TMEM163: variants seen among roughly 807,000 people sequenced by gnomAD.
The protein encoded by TMEM163 is transmembrane protein 163.
A neutral mutation model predicts 29.3 loss-of-function variants in TMEM163; 17 were observed. That is an observed-to-expected ratio of 0.58 (90% CI 0.40 to 0.87). TMEM163 has a LOEUF of 0.87. Among genes scored for constraint, TMEM163 ranks in the 40% least tolerant of loss-of-function variants. The pLI is 0.00. For missense variants in TMEM163, 303 were observed against 381.5 expected, an observed-to-expected ratio of 0.79 and a Z score of 1.71; for synonymous variants, 157 against 160.6, an observed-to-expected ratio of 0.98 and a Z score of 0.17.
chr2:134,665,151 TA>T (rs1350482099), intron 2 of TMEM163, among the ~76,000 whole-genome samples: 1 of 152,172 alleles, frequency 6.6e-6, no homozygotes, highest in Non-Finnish European at 1.5e-5. Context: ...CTTTGCAAAC[TA>T]CTGCAAGACA....
chr2:134,457,318 C>T (rs1223231349), intron 7 of TMEM163, among the ~76,000 whole-genome samples: 1 of 152,196 alleles, frequency 6.6e-6, no homozygotes, highest in Non-Finnish European at 1.5e-5. Context: ...ACTGGAAGTG[C>T]TGGGGCGAAT....
intron 5 of TMEM163, chr2:134,469,207 GGGGCTGTGC>G (rs1686737800): frequency 6.6e-6 from 1 of 152,104 alleles, no homozygotes; most frequent in Admixed American, 6.5e-5. Flanking sequence ...GGCCTATCCA[GGGGCTGTGC>G]GGGAAGTTTC....
At position 134,456,148 on chromosome 2, in the gene TMEM163, T is replaced by C. The variant is rs1404541040; in HGVS notation, c.*568A>G. The C allele has an allele frequency of 6.5e-6, 1 of 153,288 alleles. No individual in the cohort carries two copies. Among genetic ancestry groups the C allele is most frequent in the Admixed American group, 6.5e-5 (1 of 15,396 alleles). The allele number at this position is 153,288 out of a possible 1,614,324, so 9.5% of individuals were successfully genotyped here. ...CTTATACGTGTATCACTAAGTACTT[T>C]AAAAAATAGAATGGTCTCCTTTTGA... On this transcript the variant is annotated 3_prime_UTR_variant, in exon 8 of 8. Transcript: ENST00000281924.
chr2:134,682,705 G>A (rs1162607426), intron 2 of TMEM163, among the ~76,000 whole-genome samples: 1 of 152,300 alleles, frequency 6.6e-6, no homozygotes, highest in South Asian at 2.1e-4. Context: ...AATACAAAAT[G>A]GTGCAGCCAC....
intron 2 of TMEM163, among the ~76,000 whole-genome samples, chr2:134,614,122 C>T (rs529770092): frequency 5.8e-4 from 89 of 152,148 alleles, no homozygotes; most frequent in African/African-American, 2.1e-3. Context: ...GGCAAGAAGA[C>T]AGACAAATAT....
At chr2:134,459,209 A>G (rs573529263) in intron 6 of TMEM163, 35 of 152,242 alleles carry the variant, frequency 2.3e-4, no homozygotes, top group Admixed American at 1.3e-3. Context: ...GGCAGGGATG[A>G]CCTGAGCAAA....
chr2:134,680,511 C>T (rs985233753), intron 2 of TMEM163, among the ~76,000 whole-genome samples: 3 of 152,162 alleles, frequency 2.0e-5, no homozygotes, highest in African/African-American at 7.2e-5. Flanking sequence ...AAATGTCCAC[C>T]TCTCACAAAT....
At chr2:134,515,552 G>T (rs1234371009) in intron 4 of TMEM163, among the ~76,000 whole-genome samples, 1 of 152,054 alleles carries the variant, frequency 6.6e-6, no homozygotes, top group Non-Finnish European at 1.5e-5. Flanking sequence ...TGAAGAAAAG[G>T]CTTTTTGCAG....
At chr2:134,670,717 G>A (rs916815893) in intron 2 of TMEM163, among the ~76,000 whole-genome samples, 5 of 152,158 alleles carry the variant, frequency 3.3e-5, no homozygotes, top group African/African-American at 1.2e-4. Flanking sequence ...CCAGAGCTTC[G>A]ATTTCAGAAA....
intron 4 of TMEM163, among the ~76,000 whole-genome samples, chr2:134,534,800 C>T (rs972813559): frequency 1.3e-5 from 2 of 152,056 alleles, no homozygotes; most frequent in Non-Finnish European, 2.9e-5. Flanking sequence ...CTTTATTCTA[C>T]TTAGAAAAGG....
At chr2:134,550,762 G>A (rs1680899945) in intron 3 of TMEM163, 101 bp from the exon 4 acceptor site, 5 of 1,146,598 alleles carry the variant, frequency 4.4e-6, no homozygotes, top group Admixed American at 1.8e-5. Context: ...ATCTGCATGA[G>A]TAAACTCTGA....
intron 4 of TMEM163, among the ~76,000 whole-genome samples, chr2:134,536,466 G>A (rs555155067): frequency 2.6e-5 from 4 of 152,242 alleles, no homozygotes; most frequent in South Asian, 2.1e-4. Flanking sequence ...TGAGCAGGAC[G>A]TGTGCTGCTG....
chr2:134,713,466 T>A, intron 1 of TMEM163, 147 bp from the exon 2 acceptor site: 3 of 1,154,192 alleles, frequency 2.6e-6, no homozygotes, highest in South Asian at 2.5e-5. Flanking sequence ...TTTTAACAAT[T>A]AGATTTCACA....
At chr2:134,593,488 A>G (rs922133326) in intron 2 of TMEM163, among the ~76,000 whole-genome samples, 1 of 152,146 alleles carries the variant, frequency 6.6e-6, no homozygotes, top group African/African-American at 2.4e-5. Context: ...ACAACACTTA[A>G]AAAGGCACAT....
At chr2:134,524,501 G>T (rs1012417811) in intron 4 of TMEM163, among the ~76,000 whole-genome samples, 12 of 149,970 alleles carry the variant, frequency 8.0e-5, no homozygotes, top group African/African-American at 2.7e-4. Flanking sequence ...ACATGCATTT[G>T]CTATTTATCC....
intron 4 of TMEM163, among the ~76,000 whole-genome samples, chr2:134,525,993 G>C (rs1178083155): frequency 2.0e-5 from 3 of 152,240 alleles, no homozygotes; most frequent in Admixed American, 6.5e-5. Context: ...GCTGTTGGAA[G>C]GGATTTCAGC....
intron 2 of TMEM163, among the ~76,000 whole-genome samples, chr2:134,567,241 A>G (rs1487818730): frequency 1.3e-5 from 2 of 152,212 alleles, no homozygotes; most frequent in Non-Finnish European, 2.9e-5. Context: ...ATCAGTAATT[A>G]TGTGGTTCCT....
At chr2:134,666,352 G>A (rs1203784688) in intron 2 of TMEM163, among the ~76,000 whole-genome samples, 1 of 152,048 alleles carries the variant, frequency 6.6e-6, no homozygotes, top group Non-Finnish European at 1.5e-5. Flanking sequence ...CATCCCTGAG[G>A]TCTAATTTCT....
At chr2:134,516,678 C>CATATAGTCAT (rs139754930) in intron 4 of TMEM163, among the ~76,000 whole-genome samples, 3 of 137,536 alleles carry the variant, frequency 2.2e-5, no homozygotes, top group South Asian at 2.6e-4. Flanking sequence ...TATAGTCATA[C>CATATAGTCAT]ATATATGCAT....
Sources: allele counts gnomAD v4.1 joint callset (sites outside exome capture counted in the v4.1 genomes callset), GRCh38; gene constraint gnomAD v4.1.1; transcripts MANE v1.5; gene names NCBI Gene and HGNC (gene_info 2026-07-23, HGNC 2026-07-21).